The following PPP3R2 variants were observed in gnomAD, a reference collection of about 807,000 sequenced individuals.
PPP3R2 encodes protein phosphatase 3 regulatory subunit B, beta, also known as calcineurin subunit B type 2.
For missense variants in PPP3R2, 225 were observed against 217.4 expected (o/e 1.03, Z -0.22); for synonymous variants, 91 against 91.5 (o/e 0.99, Z 0.03).
rs1828039534 is a variant in PPP3R2, at chr9:101,592,262, GGT to G, written c.*2145_*2146del. The G allele has an allele frequency of 6.6e-6, 1 of 152,112 alleles. No homozygotes were observed. The highest frequency in any genetic ancestry group is 1.5e-5 in the Non-Finnish European group (1 of 68,034). The allele number at this position is 152,112 out of a possible 1,614,324, so 9.4% of individuals were successfully genotyped here. A position where few individuals can be genotyped will look rare whatever the true frequency, so the allele number is the denominator to read the frequency against. Reference sequence around the variant, plus strand: ...CTAATGTCCAGTTAATTTTAGAGTGGGTGTAGCTAAGAACTAAGTAAGTGTTC... The same window carrying G: ...CTAATGTCCAGTTAATTTTAGAGTGGGTAGCTAAGAACTAAGTAAGTGTTC... On this transcript the variant is annotated 3_prime_UTR_variant, in exon 1 of 1. Coordinates refer to ENST00000374806, the MANE Select transcript of PPP3R2 (RefSeq NM_147180.4).
rs1828075015 is a variant in PPP3R2 at position 101,594,211 on chromosome 9, C to T, written c.*198G>A. The T allele has an allele frequency of 3.1e-6, 2 of 643,284 alleles. No individual in the cohort carries two copies. Among genetic ancestry groups the T allele is most frequent in the African/African-American group, 1.8e-5 (1 of 54,580 alleles). 39.8% of individuals were successfully genotyped at this position (643,284 alleles called of 1,614,324 possible). ...ATGCTCATTTGACTTGCTCTTCCCC[C>T]TATAGGGTACCCTGAGTCATTCAGA... On this transcript the variant is annotated 3_prime_UTR_variant, in exon 1 of 1. Transcript: ENST00000374806.
At position 101,594,819 on chromosome 9, in the gene PPP3R2, A is replaced by T; in HGVS notation, c.103T>A (p.Ser35Thr). ...AACTCCTCCACGCTCAGAGACCCTGATTTGTCCAAGTCCAACTTCTTAAAC... is the reference window on the plus strand; with the variant it reads ...AACTCCTCCACGCTCAGAGACCCTGTTTTGTCCAAGTCCAACTTCTTAAAC... ...RRFKKLDLDK[S>T]GSLSVEEFMS... Residue 35 changes from serine (S) to threonine (T), a missense_variant, in exon 1 of 1, where the codon TCA becomes ACA. Physicochemically the swap from Ser to Thr is moderately conservative, Grantham distance 58 (BLOSUM62 1). Coordinates refer to ENST00000374806, the MANE Select transcript of PPP3R2 (RefSeq NM_147180.4). 1 of 1,611,638 alleles carries T rather than the reference A, an allele frequency of 6.2e-7. No homozygotes were observed. Among genetic ancestry groups the T allele is most frequent in the Non-Finnish European group, 8.5e-7 (1 of 1,180,018 alleles).
chr9:101,594,742 G>A lies in PPP3R2; in HGVS notation c.180C>T (p.Asp60=), dbSNP rs148782154. The A allele has an allele frequency of 3.7e-5, 59 of 1,614,018 alleles. No individual in the cohort carries two copies. The highest frequency in any genetic ancestry group is 4.8e-5 in the Non-Finnish European group (57 of 1,180,052). ...CTCCATCACCGTCGGTGTCGAAGAC[G>A]TCGATCACTCGCCGCACCAACGGGT... is the stretch of plus-strand genomic sequence containing the variant. ...RHNPLVRRVI[D]VFDTDGDGEV... The change falls in exon 1 of 1, where the codon GAC becomes GAT. Residue 60 remains aspartate (D), a synonymous_variant. Transcript: ENST00000374806.
At position 101,594,663 on chromosome 9, in the gene PPP3R2, C is replaced by A. The variant is rs1828088277; in HGVS notation, c.259G>T (p.Asp87Tyr). The change falls in exon 1 of 1, where the codon GAC becomes TAC. Residue 87 changes from aspartate to tyrosine, a missense_variant. By Grantham distance (160) the Asp-to-Tyr change is radical. Transcript: ENST00000374806. ...LGTSQFSVKG[D>Y]EEQKLRFAFS... Reference sequence around the variant, plus strand: ...GCAAACCTCAACTTCTGCTCCTCGTCGCCCTTGACGCTGAACTGGGAGGTC... The same window carrying A: ...GCAAACCTCAACTTCTGCTCCTCGTAGCCCTTGACGCTGAACTGGGAGGTC... The A allele has an allele frequency of 1.9e-6, 3 of 1,614,100 alleles. No individual in the cohort carries two copies. Among genetic ancestry groups the A allele is most frequent in the Non-Finnish European group, 2.5e-6 (3 of 1,180,052 alleles).
Position 101,592,124 on chromosome 9 carries a change from T to G in PPP3R2, c.*2285A>C, listed in dbSNP as rs1171388297. 9.8e-5 allele frequency: 15 copies of G among 152,328 alleles called. No individual in the cohort carries two copies. The highest frequency in any genetic ancestry group is 1.5e-4 in the Non-Finnish European group (10 of 68,032). 9.4% of individuals were successfully genotyped at this position (152,328 alleles called of 1,614,324 possible). ...GGAATGAGAGATTTTGTTTTAAAAA[T>G]TCTCCAGTTCTCAGGTCAGAAAGTC... is the stretch of plus-strand genomic sequence containing the variant. On this transcript the variant is annotated 3_prime_UTR_variant, in exon 1 of 1. Coordinates refer to ENST00000374806, the MANE Select transcript of PPP3R2 (RefSeq NM_147180.4).
Position 101,594,695 on chromosome 9 carries a change from A to T in PPP3R2, c.227T>A (p.Ile76Asn). The T allele has an allele frequency of 6.2e-7, 1 of 1,614,194 alleles. No individual in the cohort carries two copies. The change falls in exon 1 of 1, where the codon ATC (isoleucine) becomes AAC (asparagine). Residue 76 changes from isoleucine to asparagine, a missense_variant. Ile to Asn is a moderately radical substitution (Grantham distance 149). Transcript: ENST00000374806. ...GDGEVDFKEF[I>N]LGTSQFSVKG... ...GACGCTGAACTGGGAGGTCCCCAGGATGAATTCCTTGAAGTCCACTTCTCC... is the reference window on the plus strand; with the variant it reads ...GACGCTGAACTGGGAGGTCCCCAGGTTGAATTCCTTGAAGTCCACTTCTCC...
rs1390210312 is a variant in PPP3R2 at position 101,594,267 on chromosome 9, T to C, written c.*142A>G. Reference sequence around the variant, plus strand: ...AGAATTAATAGCACTGAGTTGGTGATGAAGCTCCTGTTAGGACATATGGCT... The same window carrying C: ...AGAATTAATAGCACTGAGTTGGTGACGAAGCTCCTGTTAGGACATATGGCT... On this transcript the variant is annotated 3_prime_UTR_variant, in exon 1 of 1. Coordinates refer to ENST00000374806, the MANE Select transcript of PPP3R2 (RefSeq NM_147180.4). 2.8e-6 allele frequency: 3 copies of C among 1,068,990 alleles called. No homozygotes were observed. The highest frequency in any genetic ancestry group is 5.1e-5 in the East Asian group (2 of 39,042). 66.2% of individuals were successfully genotyped at this position (1,068,990 alleles called of 1,614,324 possible).
At position 101,592,228 on chromosome 9, in the gene PPP3R2, G is replaced by T. The variant is rs962943391; in HGVS notation, c.*2181C>A. 4.6e-5 allele frequency: 7 copies of T among 152,316 alleles called. No homozygotes were observed. Among genetic ancestry groups the T allele is most frequent in the Admixed American group, 2.0e-4 (3 of 15,292 alleles). The allele number at this position is 152,316 out of a possible 1,614,324, so 9.4% of individuals were successfully genotyped here. A position where few individuals can be genotyped will look rare whatever the true frequency, so the allele number is the denominator to read the frequency against. On this transcript the variant is annotated 3_prime_UTR_variant, in exon 1 of 1. Coordinates refer to ENST00000374806, the MANE Select transcript of PPP3R2 (RefSeq NM_147180.4). ...TGTTTTCTCTCTGGGCTTGGACATG[G>T]GCTGTACACTAATGTCCAGTTAATT...
In PPP3R2 at chr9:101,594,318, A is replaced by T; in HGVS notation, c.*91T>A. ...TCACAAAAAGAAATACTTCCAGATA[A>T]GTCAGAGAGACAGTTGGACGTCTTG... On this transcript the variant is annotated 3_prime_UTR_variant, in exon 1 of 1. Coordinates refer to ENST00000374806, the MANE Select transcript of PPP3R2 (RefSeq NM_147180.4). The T allele has an allele frequency of 6.9e-7, 1 of 1,458,856 alleles. No homozygotes were observed. Among genetic ancestry groups the T allele is most frequent in the Non-Finnish European group, 9.2e-7 (1 of 1,082,278 alleles). The allele number at this position is 1,458,856 out of a possible 1,614,324, so 90.4% of individuals were successfully genotyped here. A position where few individuals can be genotyped will look rare whatever the true frequency, so the allele number is the denominator to read the frequency against.
rs1828098628 is a variant in PPP3R2 at position 101,594,961 on chromosome 9, G to A, written c.-40C>T. The stretch of plus-strand genomic sequence containing the variant: ...AACGGCCACGGCTCAAAGGGTCGGA[G>A]AGGGGAGCAGGGGCGGTGAGCTCGG... On this transcript the variant is annotated 5_prime_UTR_variant, in exon 1 of 1. Coordinates refer to ENST00000374806, the MANE Select transcript of PPP3R2 (RefSeq NM_147180.4). 4 of 1,577,976 alleles carry A rather than the reference G, an allele frequency of 2.5e-6. No individual in the cohort carries two copies. Among genetic ancestry groups the A allele is most frequent in the Non-Finnish European group, 3.4e-6 (4 of 1,169,088 alleles).
Position 101,594,415 on chromosome 9 carries a change from G to T in PPP3R2, c.507C>A (p.Ile169=). The T allele has an allele frequency of 6.2e-7, 1 of 1,601,916 alleles. No individual in the cohort carries two copies. The highest frequency in any genetic ancestry group is 1.1e-5 in the South Asian group (1 of 89,966). Residue 169 remains isoleucine, a synonymous_variant, in exon 1 of 1, where the codon ATC becomes ATA. Transcript: ENST00000374806. ...GTGCTTGTAAGAAAAAGGCTCATAC[G>T]ATGAGGACCAGCTTCTTGTGGATCT... ...DLEIHKKLVL[I]V
Position 101,594,896 on chromosome 9 carries a change from G to T in PPP3R2, c.26C>A (p.Ala9Glu). The change falls in exon 1 of 1, where the codon GCG becomes GAG. Residue 9 changes from alanine (A) to glutamate (E), a missense_variant. Physicochemically the swap from Ala to Glu is moderately radical, Grantham distance 107. Transcript: ENST00000374806. MGNEASYP[A>E]EMCSHFDNDE... ...ATTGTCAAAGTGGGAGCACATCTCCGCCGGGTAACTGGCCTCGTTTCCCAT... is the reference window on the plus strand; with the variant it reads ...ATTGTCAAAGTGGGAGCACATCTCCTCCGGGTAACTGGCCTCGTTTCCCAT... The T allele has an allele frequency of 6.2e-7, 1 of 1,600,214 alleles. No homozygotes were observed. Among genetic ancestry groups the T allele is most frequent in the Non-Finnish European group, 8.5e-7 (1 of 1,179,866 alleles).
Position 101,594,571 on chromosome 9 carries a change from C to A in PPP3R2, c.351G>T (p.Lys117Asn). 6.2e-7 allele frequency: 1 copy of A among 1,614,214 alleles called. No homozygotes were observed. Among genetic ancestry groups the A allele is most frequent in the Non-Finnish European group, 8.5e-7 (1 of 1,180,048 alleles). ...CCGTCAGGTTGTTGCCCACCATCAT[C>A]TTCAGCACCTGGAAGAGCTCCCCGT... ...ISNGELFQVL[K>N]MMVGNNLTDW... The change falls in exon 1 of 1, where the codon AAG becomes AAT. Residue 117 changes from lysine (K) to asparagine (N), a missense_variant. Physicochemically the swap from Lys to Asn is moderately conservative, Grantham distance 94. Transcript: ENST00000374806.
Position 101,592,007 on chromosome 9 carries a change from C to T in PPP3R2, c.*2402G>A, listed in dbSNP as rs1000079271. 1.3e-5 allele frequency: 2 copies of T among 152,204 alleles called. No individual in the cohort carries two copies. The highest frequency in any genetic ancestry group is 2.4e-5 in the African/African-American group (1 of 41,450). The allele number at this position is 152,204 out of a possible 1,614,324, so 9.4% of individuals were successfully genotyped here. A position where few individuals can be genotyped will look rare whatever the true frequency, so the allele number is the denominator to read the frequency against. On this transcript the variant is annotated 3_prime_UTR_variant, in exon 1 of 1. Transcript: ENST00000374806. ...TGCAGGGTGTATAAATAATGCCTCT[C>T]TTTAATGACAATAATGTCCTCTTGG...
rs776923030 is a variant in PPP3R2, at chr9:101,594,362, T to C, written c.*47A>G. 2.8e-5 allele frequency: 43 copies of C among 1,538,616 alleles called. No homozygotes were observed. The Admixed American group carries it at 7.8e-4, about 28-fold the overall frequency. Reference sequence around the variant, plus strand: ...CGTCTTGAGCAAATCTTGAAAGAGATAGGGAAGAAAGCAGAAGTTGTTGGG... The same window carrying C: ...CGTCTTGAGCAAATCTTGAAAGAGACAGGGAAGAAAGCAGAAGTTGTTGGG... On this transcript the variant is annotated 3_prime_UTR_variant, in exon 1 of 1. Transcript: ENST00000374806.
At position 101,591,828 on chromosome 9, in the gene PPP3R2, T is replaced by C. The variant is rs1265275112; in HGVS notation, c.*2581A>G. On this transcript the variant is annotated 3_prime_UTR_variant, in exon 1 of 1. Transcript: ENST00000374806. ...ATTGCCACAAAGCCTTAGGTAACTA[T>C]CTTGAGTAGATTTATTGAACAATTA... 1.3e-5 allele frequency: 2 copies of C among 152,242 alleles called. No homozygotes were observed. Among genetic ancestry groups the C allele is most frequent in the African/African-American group, 2.4e-5 (1 of 41,460 alleles). The allele number at this position is 152,242 out of a possible 1,614,324, so 9.4% of individuals were successfully genotyped here.
chr9:101,592,670 G>C lies in PPP3R2; in HGVS notation c.*1739C>G, dbSNP rs541489323. The C allele has an allele frequency of 8.5e-5, 13 of 152,074 alleles. No individual in the cohort carries two copies. Among genetic ancestry groups the C allele is most frequent in the African/African-American group, 3.1e-4 (13 of 41,498 alleles). The allele number at this position is 152,074 out of a possible 1,614,324, so 9.4% of individuals were successfully genotyped here. A position where few individuals can be genotyped will look rare whatever the true frequency, so the allele number is the denominator to read the frequency against. ...AGGGGTAAGGATTCCTATTTTTGTG[G>C]TTTCTAAGTAATCTATTAAATACAA... On this transcript the variant is annotated 3_prime_UTR_variant, in exon 1 of 1. Coordinates refer to ENST00000374806, the MANE Select transcript of PPP3R2 (RefSeq NM_147180.4).
rs1180019952 is a variant in PPP3R2, at chr9:101,592,523, TAAC to T, written c.*1883_*1885del. 6 of 152,324 alleles carry T rather than the reference TAAC, an allele frequency of 3.9e-5. No individual in the cohort carries two copies. The East Asian group carries it at 5.8e-4, about 15-fold the overall frequency. The allele number at this position is 152,324 out of a possible 1,614,324, so 9.4% of individuals were successfully genotyped here. A position where few individuals can be genotyped will look rare whatever the true frequency, so the allele number is the denominator to read the frequency against. On this transcript the variant is annotated 3_prime_UTR_variant, in exon 1 of 1. Coordinates refer to ENST00000374806, the MANE Select transcript of PPP3R2 (RefSeq NM_147180.4). ...CACAGCTAAAAAGAAGTGAGTGTGA[TAAC>T]AACCCAGTTGCAACTGAATCCAAAC...
rs142403692 is a variant in PPP3R2 at position 101,594,777 on chromosome 9, G to C, written c.145C>G (p.Leu49Val). Reference protein sequence around the residue: ...SVEEFMSLPELRHNPLVRRVI... With the variant: ...SVEEFMSLPEVRHNPLVRRVI... ...CGCCGCACCAACGGGTTGTGGCGCA[G>C]CTCCGGCAGGGACATGAACTCCTCC... The change falls in exon 1 of 1, where the codon CTG becomes GTG. Residue 49 changes from leucine to valine, a missense_variant. Coordinates refer to ENST00000374806, the MANE Select transcript of PPP3R2 (RefSeq NM_147180.4). The C allele has an allele frequency of 1.3e-4, 207 of 1,613,850 alleles. No individual in the cohort carries two copies. In the Middle Eastern group the frequency reaches 2.6e-3, roughly 21 times the overall value.
Sources: allele counts gnomAD v4.1 joint callset, GRCh38; gene constraint gnomAD v4.1.1; transcripts MANE v1.5; gene names NCBI Gene and HGNC (gene_info 2026-07-23, HGNC 2026-07-21).